Variants in B3GALT1 observed in about 807,000 individuals in gnomAD.
The protein encoded by B3GALT1 is UDP-Gal:betaGlcNAc beta 1,3-galactosyltransferase, polypeptide 1.
B3GALT1 carries 10 observed loss-of-function variants against 23.2 expected under a neutral mutation model. The observed-to-expected ratio is 0.43, with a 90% CI of 0.27 to 0.73. The LOEUF (loss-of-function observed/expected upper bound fraction) is 0.73. B3GALT1 is among the 30% of genes least tolerant of loss of function. The pLI is 0.21. For missense variants in B3GALT1, 299 were observed against 405.4 expected, an observed-to-expected ratio of 0.74 and a Z score of 2.25; for synonymous variants, 156 against 141.5, an observed-to-expected ratio of 1.10 and a Z score of -0.73.
intron 1 of B3GALT1, among the ~76,000 whole-genome samples, chr2:167,452,361 A>G (rs1699104598): frequency 6.6e-6 from 1 of 152,086 alleles, no homozygotes; most frequent in South Asian, 2.1e-4. Context: ...AAGACAGCCC[A>G]CAAGTCTCTT....
chr2:167,566,357 G>C (rs934859999), intron 2 of B3GALT1, among the ~76,000 whole-genome samples: 4 of 151,320 alleles, frequency 2.6e-5, no homozygotes, highest in East Asian at 1.9e-4. Context: ...GTTTTGGGGT[G>C]GGGGGAGAGG....
At chr2:167,826,256 ATGG>A in intron 4 of B3GALT1, among the ~76,000 whole-genome samples, 1 of 152,162 alleles carries the variant, frequency 6.6e-6, no homozygotes, top group Admixed American at 6.5e-5. Context: ...TCCAGGGCTC[ATGG>A]CTTGATCCTC....
At chr2:167,688,265 C>A (rs575441446) in intron 3 of B3GALT1, among the ~76,000 whole-genome samples, 32 of 151,932 alleles carry the variant, frequency 2.1e-4, no homozygotes, top group Admixed American at 1.3e-3. Flanking sequence ...ATTGTCAGAC[C>A]AAAATATATC....
chr2:167,556,440 A>C (rs539267684), intron 2 of B3GALT1, among the ~76,000 whole-genome samples: 2 of 152,146 alleles, frequency 1.3e-5, no homozygotes, highest in Non-Finnish European at 2.9e-5. Context: ...ATTGGCAAGC[A>C]TGCAAGCTAA....
chr2:167,569,112 C>T (rs1466984611), intron 2 of B3GALT1, among the ~76,000 whole-genome samples: 1 of 151,874 alleles, frequency 6.6e-6, no homozygotes, highest in Non-Finnish European at 1.5e-5. Flanking sequence ...ACCACATTAT[C>T]TTGATTACTG....
At chr2:167,751,651 G>GGTAT (rs1475812460) in intron 3 of B3GALT1, among the ~76,000 whole-genome samples, 2 of 152,162 alleles carry the variant, frequency 1.3e-5, no homozygotes, top group Non-Finnish European at 2.9e-5. Flanking sequence ...ACTGATAGAA[G>GGTAT]GTATGTGTGC....
chr2:167,571,795 C>A (rs1322616741), intron 2 of B3GALT1, among the ~76,000 whole-genome samples: 1 of 151,804 alleles, frequency 6.6e-6, no homozygotes, highest in Non-Finnish European at 1.5e-5. Flanking sequence ...CATGAGTTAG[C>A]CAAAACATGC....
chr2:167,513,648 G>T (rs1574112422), intron 2 of B3GALT1, among the ~76,000 whole-genome samples: 1 of 152,038 alleles, frequency 6.6e-6, no homozygotes, highest in African/African-American at 2.4e-5. Flanking sequence ...TAGTATGGAT[G>T]GGAATAGAAG....
At chr2:167,424,735 T>C (rs1315489038) in intron 1 of B3GALT1, among the ~76,000 whole-genome samples, 1 of 152,220 alleles carries the variant, frequency 6.6e-6, no homozygotes, top group African/African-American at 2.4e-5. Context: ...ACTTTTGTAA[T>C]AGCCATTCCC....
At chr2:167,724,587 A>G (rs1481819535) in intron 3 of B3GALT1, among the ~76,000 whole-genome samples, 2 of 152,212 alleles carry the variant, frequency 1.3e-5, no homozygotes. Flanking sequence ...AACATTTACC[A>G]TGTTATAATT....
At chr2:167,517,664 A>G (rs1304549441) in intron 2 of B3GALT1, among the ~76,000 whole-genome samples, 1 of 152,060 alleles carries the variant, frequency 6.6e-6, no homozygotes, top group Non-Finnish European at 1.5e-5. Flanking sequence ...GTTTCTCTGA[A>G]GATTGAACAG....
intron 2 of B3GALT1, among the ~76,000 whole-genome samples, chr2:167,535,864 A>G (rs868763386): frequency 2.0e-5 from 3 of 152,162 alleles, no homozygotes; most frequent in African/African-American, 7.2e-5. Context: ...TTCAGTTTCA[A>G]AAGTGTCTTA....
chr2:167,496,920 G>A (rs1699790604), intron 2 of B3GALT1, among the ~76,000 whole-genome samples: 1 of 152,102 alleles, frequency 6.6e-6, no homozygotes, highest in Non-Finnish European at 1.5e-5. Context: ...CCAGCCTCCA[G>A]CACTGTAGAA....
At chr2:167,295,768 C>CGTGTGTGTGTGT (rs57375833) in intron 1 of B3GALT1, among the ~76,000 whole-genome samples, 1 of 143,342 alleles carries the variant, frequency 7.0e-6, no homozygotes, top group African/African-American at 2.5e-5. Flanking sequence ...TGTGTGTGTA[C>CGTGTGTGTGTGT]GTGTGTGTGT....
intron 4 of B3GALT1, among the ~76,000 whole-genome samples, chr2:167,835,250 C>T (rs1689435600): frequency 6.6e-6 from 1 of 152,186 alleles, no homozygotes; most frequent in South Asian, 2.1e-4. Context: ...ACAGGAAGCG[C>T]AAGGGGTCAG....
At chr2:167,803,529 G>A (rs187949701) in intron 3 of B3GALT1, among the ~76,000 whole-genome samples, 183 of 152,222 alleles carry the variant, frequency 1.2e-3, no homozygotes, top group African/African-American at 4.3e-3. Context: ...GTTGGATTCT[G>A]GATGATTTAA....
At chr2:167,691,228 A>G (rs1364279102) in intron 3 of B3GALT1, among the ~76,000 whole-genome samples, 1 of 152,028 alleles carries the variant, frequency 6.6e-6, no homozygotes, top group Non-Finnish European at 1.5e-5. Context: ...CAGAACTTTC[A>G]TTTCTGTATG....
intron 3 of B3GALT1, among the ~76,000 whole-genome samples, chr2:167,654,503 CTCTT>C (rs1251981721): frequency 1.3e-5 from 2 of 151,724 alleles, no homozygotes; most frequent in East Asian, 1.9e-4. Context: ...TTCTCTCTCT[CTCTT>C]TCTTTTTTTT....
intron 3 of B3GALT1, among the ~76,000 whole-genome samples, chr2:167,740,718 TTAAA>T (rs1687565785): frequency 6.6e-6 from 1 of 152,194 alleles, no homozygotes; most frequent in Non-Finnish European, 1.5e-5. Context: ...TATTACTAAT[TTAAA>T]TAAGTAATAA....
Sources: allele counts gnomAD v4.1 joint callset (sites outside exome capture counted in the v4.1 genomes callset), GRCh38; gene constraint gnomAD v4.1.1; transcripts MANE v1.5; gene names NCBI Gene and HGNC (gene_info 2026-07-23, HGNC 2026-07-21).